Variants in TEX30 observed in about 807,000 individuals in gnomAD.
TEX30 encodes the protein testis expressed 30.
Under a neutral mutation model 23.8 loss-of-function variants are expected in TEX30, and 14 were observed. That is an observed-to-expected ratio of 0.59 (90% confidence interval 0.39 to 0.92). TEX30 has a LOEUF of 0.92. Ranked by LOEUF, TEX30 falls within the 40% of genes least tolerant of loss-of-function variation. TEX30 has a pLI of 0.00. For synonymous variants in TEX30, 78 were observed against 90.2 expected (o/e 0.87, Z 0.76); for missense variants, 246 against 270.6 (o/e 0.91, Z 0.64).
In TEX30 at chr13:102,770,100, T is replaced by A. The variant is rs1299446627; in HGVS notation, c.-60-14A>T. ...AAGGACATCTCCCTGAAAAGAAGAT[T>A]CTGTTGTGAAAGGTGAGTTGGCAGA... On this transcript the variant is annotated splice_polypyrimidine_tract_variant and intron_variant, in intron 1 of 5. Transcript: ENST00000376032. 5.2e-6 allele frequency: 6 copies of A among 1,147,458 alleles called. No homozygotes were observed. Among genetic ancestry groups the A allele is most frequent in the Non-Finnish European group, 3.4e-6 (3 of 880,072 alleles). 71.1% of individuals were successfully genotyped at this position (1,147,458 alleles called of 1,614,324 possible).
chr13:102,768,425 C>T, intron 3 of TEX30, 114 bp from the exon 4 acceptor site: 1 of 718,982 alleles, frequency 1.4e-6, no homozygotes, highest in Admixed American at 3.4e-5. Context: ...CAAAGATAAC[C>T]AGAAAATCTT....
At chr13:102,769,678 ATAG>A (rs1566427399) in intron 2 of TEX30, 137 bp from the exon 3 acceptor site, 1 of 619,416 alleles carries the variant, frequency 1.6e-6, no homozygotes. Context: ...GATATTAATA[ATAG>A]TAGTTAAGTG....
chr13:102,771,217 T>C (rs1877295731), intron 1 of TEX30, among the ~76,000 whole-genome samples: 1 of 152,228 alleles, frequency 6.6e-6, no homozygotes, highest in Admixed American at 6.5e-5. Flanking sequence ...GGTTTGTTCA[T>C]AATTTTTTAC....
rs1056538168 is a variant in TEX30, at chr13:102,767,309, C to T, written c.468G>A (p.Leu156=). 1.9e-6 allele frequency: 3 copies of T among 1,613,856 alleles called. No homozygotes were observed. The highest frequency in any genetic ancestry group is 2.5e-6 in the Non-Finnish European group (3 of 1,180,022). The change falls in exon 5 of 6, where the codon CTG becomes CTA. Residue 156 remains leucine (L), a synonymous_variant. Coordinates refer to ENST00000376032, the MANE Select transcript of TEX30 (RefSeq NM_138779.5). ...EDLFRLKEPV[L]FVSGSADEMC... ...TTTCATCTGCTGAGCCTGACACAAA[C>T]AGTACAGGCTCTTTTAAACGAAAGA...
At chr13:102,773,504 A>G (rs1474189063) in intron 1 of TEX30, 178 bp downstream of exon 1, 7 of 151,530 alleles carry the variant, frequency 4.6e-5, no homozygotes, top group Non-Finnish European at 1.0e-4. Context: ...CGAAGCCCCC[A>G]CCGGCTGGTG....
intron 2 of TEX30, 102 bp from the exon 3 acceptor site, chr13:102,769,643 T>C (rs1479085230): frequency 4.3e-6 from 3 of 703,268 alleles, no homozygotes; most frequent in Non-Finnish European, 7.1e-6. Flanking sequence ...ATAATTCAAG[T>C]CATAGCCTCC....
rs73570215 is a variant in TEX30 at position 102,773,220 on chromosome 13, G to A, written c.-61+462C>T. On this transcript the variant is annotated intron_variant, in intron 1 of 5. Coordinates refer to ENST00000376032, the MANE Select transcript of TEX30 (RefSeq NM_138779.5). ...ACGTTGAGTCCGAGTCTTACGGGGG[G>A]TCGGGTCAACAACCCCAGCAAACAT... Among the ~76,000 whole-genome samples the A allele has an allele frequency of 4.5e-3, 687 of 152,326 alleles. 3 individuals carry two copies. Among genetic ancestry groups the A allele is most frequent in the African/African-American group, 0.016 (661 of 41,586 alleles).
rs1290773187 is a variant in TEX30 at position 102,766,034 on chromosome 13, CATA to C, written c.*364_*366del. ...TCTATAAATCTCTGACTAGATTAAC[CATA>C]ATGTTTTCCTTTTCTGAAGATAACG... On this transcript the variant is annotated 3_prime_UTR_variant, in exon 6 of 6. Transcript: ENST00000376032. 11 of 159,280 alleles carry C rather than the reference CATA, an allele frequency of 6.9e-5. No homozygotes were observed. The highest frequency in any genetic ancestry group is 3.8e-4 in the South Asian group (2 of 5,294). The allele number at this position is 159,280 out of a possible 1,614,324, so 9.9% of individuals were successfully genotyped here.
chr13:102,771,043 G>A (rs1254334327), intron 1 of TEX30, among the ~76,000 whole-genome samples: 1 of 152,170 alleles, frequency 6.6e-6, no homozygotes, highest in African/African-American at 2.4e-5. Flanking sequence ...TAGTGAAAAA[G>A]TCTCACTCAT....
At chr13:102,770,112 G>A in intron 1 of TEX30, 26 bp from the exon 2 acceptor site, 1 of 999,988 alleles carries the variant, frequency 1.0e-6, no homozygotes, top group Non-Finnish European at 1.3e-6. Context: ...TGTTGTGAAA[G>A]GTGAGTTGGC....
Position 102,770,008 on chromosome 13 carries a change from T to C in TEX30, c.15+4A>G, listed in dbSNP as rs746162961. ...TGAAGATGCAGAACATACGAAAATA[T>C]TACCTCTGTATGACTCATTTTCACT... On this transcript the variant is annotated splice_donor_region_variant and intron_variant, in intron 2 of 5. Transcript: ENST00000376032. 11 of 1,452,590 alleles carry C rather than the reference T, an allele frequency of 7.6e-6. No homozygotes were observed. The highest frequency in any genetic ancestry group is 1.0e-5 in the Non-Finnish European group (11 of 1,099,144). 90.0% of individuals were successfully genotyped at this position (1,452,590 alleles called of 1,614,324 possible).
chr13:102,767,369 A>G lies in TEX30; in HGVS notation c.408T>C (p.His136=). ...CTCTGAGTTTATGCTGCTGCTTTGGATGGTGCAGTGGGTAAGAAATACAAA... is the reference window on the plus strand; with the variant it reads ...CTCTGAGTTTATGCTGCTGCTTTGGGTGGTGCAGTGGGTAAGAAATACAAA... ...GLICISYPLH[H]PKQQHKLRDE... Residue 136 remains histidine (H), a synonymous_variant, in exon 5 of 6, where the codon CAT becomes CAC. Transcript: ENST00000376032. The G allele has an allele frequency of 6.2e-7, 1 of 1,614,136 alleles. No individual in the cohort carries two copies. Among genetic ancestry groups the G allele is most frequent in the East Asian group, 2.2e-5 (1 of 44,882 alleles).
chr13:102,772,711 G>C (rs549804611), intron 1 of TEX30, among the ~76,000 whole-genome samples: 2 of 152,306 alleles, frequency 1.3e-5, no homozygotes, highest in Non-Finnish European at 2.9e-5. Context: ...GAGTAGCTGA[G>C]ATTACAGGCG....
intron 4 of TEX30, 119 bp downstream of exon 4, chr13:102,768,141 C>T: frequency 2.4e-6 from 2 of 844,972 alleles, no homozygotes; most frequent in Non-Finnish European, 3.6e-6. Flanking sequence ...AGGTGACTTA[C>T]CAAAACAACA....
chr13:102,769,835 A>G (rs1209393267), intron 2 of TEX30, 177 bp downstream of exon 2: 6 of 547,006 alleles, frequency 1.1e-5, no homozygotes, highest in Middle Eastern at 4.0e-4. Flanking sequence ...AAGGTTATAT[A>G]GCCGCTAGCT....
At position 102,766,307 on chromosome 13, in the gene TEX30, T is replaced by C; in HGVS notation, c.*94A>G. On this transcript the variant is annotated 3_prime_UTR_variant, in exon 6 of 6. Coordinates refer to ENST00000376032, the MANE Select transcript of TEX30 (RefSeq NM_138779.5). ...AAAAATAAGGGAACATTAAAGAACA[T>C]CAAATTAGTCTGAAATATATCTCAC... The C allele has an allele frequency of 9.3e-7, 1 of 1,074,642 alleles. No individual in the cohort carries two copies. The highest frequency in any genetic ancestry group is 1.9e-5 in the South Asian group (1 of 53,084). The allele number at this position is 1,074,642 out of a possible 1,614,324, so 66.6% of individuals were successfully genotyped here. A position where few individuals can be genotyped will look rare whatever the true frequency, so the allele number is the denominator to read the frequency against.
At chr13:102,767,564 C>A (rs1876994945) in intron 4 of TEX30, 86 bp from the exon 5 acceptor site, 1 of 1,342,584 alleles carries the variant, frequency 7.4e-7, no homozygotes, top group Non-Finnish European at 1.0e-6. Context: ...GGATCTTTTA[C>A]TGTTCATCAT....
At chr13:102,773,574 T>C (rs1273386020) in intron 1 of TEX30, 108 bp downstream of exon 1, 2 of 150,636 alleles carry the variant, frequency 1.3e-5, no homozygotes, top group Non-Finnish European at 3.0e-5. Context: ...CCCTGAGGAG[T>C]GACGCCCGCG....
chr13:102,770,285 G>C (rs1384989625), intron 1 of TEX30, 199 bp from the exon 2 acceptor site: 2 of 318,930 alleles, frequency 6.3e-6, no homozygotes, highest in East Asian at 4.7e-5. Flanking sequence ...TGTTATAGAA[G>C]ATAAAACAAA....
Sources: allele counts gnomAD v4.1 joint callset (sites outside exome capture counted in the v4.1 genomes callset), GRCh38; gene constraint gnomAD v4.1.1; transcripts MANE v1.5; gene names NCBI Gene and HGNC (gene_info 2026-07-23, HGNC 2026-07-21).